Variants in CSMD3 observed in about 807,000 individuals in gnomAD.
CSMD3 encodes the protein CUB and Sushi multiple domains 3, also known as CUB and sushi domain-containing protein 3.
CSMD3 carries 177 observed loss-of-function variants against 435.2 expected under a neutral mutation model. The ratio of observed to expected loss-of-function variants is 0.41; its 90% CI spans 0.36 to 0.46. CSMD3 has a LOEUF of 0.46. Among genes scored for constraint, CSMD3 ranks in the 20% least tolerant of loss-of-function variants. The probability of loss-of-function intolerance (pLI) is 0.34; values close to 1 mark genes in which losing one functional copy is unlikely to be tolerated. For synonymous variants in CSMD3, 1,656 were observed against 1,520.5 expected, an observed-to-expected ratio of 1.09 and a Z score of -2.07; for missense variants, 4,265 against 4,504.6, an observed-to-expected ratio of 0.95 and a Z score of 1.52.
chr8:112,715,145 G>GA (rs2076695903), intron 13 of CSMD3, among the ~76,000 whole-genome samples: 1 of 151,888 alleles, frequency 6.6e-6, no homozygotes, highest in Non-Finnish European at 1.5e-5. Flanking sequence ...GCTGGTTTTT[G>GA]AAAAAATTAA....
rs186957119 is a variant in CSMD3, at chr8:112,975,502, C to T, written c.1342+335G>A. Among the ~76,000 whole-genome samples, 92 of 152,104 alleles carry T rather than the reference C, an allele frequency of 6.0e-4. No homozygotes were observed. The Middle Eastern group carries it at 0.01, about 17-fold the overall frequency. ...AATCAAAACTGGCTACTTTATTTTCCTGTTTTGTGAACATCATCATAACTG... is the reference window on the plus strand; with the variant it reads ...AATCAAAACTGGCTACTTTATTTTCTTGTTTTGTGAACATCATCATAACTG... On this transcript the variant is annotated intron_variant, in intron 7 of 70. Coordinates refer to ENST00000297405, the MANE Select transcript of CSMD3 (RefSeq NM_198123.2).
intron 1 of CSMD3, among the ~76,000 whole-genome samples, chr8:113,436,202 T>C (rs2094705129): frequency 1.3e-5 from 2 of 152,220 alleles, no homozygotes; most frequent in African/African-American, 4.8e-5. Flanking sequence ...GGAAGATCCC[T>C]GTGCCCTAAT....
chr8:112,446,202 C>T (rs1815590850), intron 32 of CSMD3, among the ~76,000 whole-genome samples: 1 of 152,076 alleles, frequency 6.6e-6, no homozygotes, highest in Non-Finnish European at 1.5e-5. Context: ...CTATCTTGTG[C>T]CCCTTGACTA....
At chr8:112,929,476 T>A (rs927267753) in intron 9 of CSMD3, among the ~76,000 whole-genome samples, 79 of 152,104 alleles carry the variant, frequency 5.2e-4, no homozygotes, top group African/African-American at 1.9e-3. Flanking sequence ...TGATAATTCT[T>A]TTTATGGAGA....
chr8:112,313,835 C>A, intron 49 of CSMD3, 71 bp downstream of exon 49: 1 of 1,242,720 alleles, frequency 8.0e-7, no homozygotes, highest in Non-Finnish European at 1.2e-6. Flanking sequence ...TGAATAGTGT[C>A]TCTGCTCCTT....
At chr8:112,656,090 C>T (rs2075250469) in intron 18 of CSMD3, 64 bp downstream of exon 18, 1 of 887,728 alleles carries the variant, frequency 1.1e-6, no homozygotes, top group Admixed American at 1.9e-5. Flanking sequence ...ATTAGTAAAA[C>T]TATAATAATA....
intron 3 of CSMD3, among the ~76,000 whole-genome samples, chr8:113,235,547 G>A (rs2093138529): frequency 6.6e-6 from 1 of 152,068 alleles, no homozygotes; most frequent in Admixed American, 6.6e-5. Flanking sequence ...AAATGGTAAT[G>A]GGCATTATGA....
chr8:112,365,666 T>C (rs1827717556), intron 38 of CSMD3, among the ~76,000 whole-genome samples: 2 of 152,020 alleles, frequency 1.3e-5, no homozygotes, highest in Non-Finnish European at 2.9e-5. Flanking sequence ...GGTGGAAGAA[T>C]GGTGAAATTC....
intron 32 of CSMD3, among the ~76,000 whole-genome samples, chr8:112,420,553 A>T (rs1220602896): frequency 6.6e-6 from 1 of 152,150 alleles, no homozygotes; most frequent in Non-Finnish European, 1.5e-5. Context: ...ATGTGTTGCT[A>T]ATGTTACTTT....
intron 63 of CSMD3, among the ~76,000 whole-genome samples, chr8:112,251,539 A>C (rs555929140): frequency 8.6e-4 from 131 of 151,872 alleles, no homozygotes; most frequent in African/African-American, 3.0e-3. Context: ...CACTGTATTT[A>C]TCATTTAAGG....
intron 7 of CSMD3, among the ~76,000 whole-genome samples, chr8:112,960,797 C>T (rs188994322): frequency 1.4e-3 from 209 of 151,730 alleles, no homozygotes; most frequent in Middle Eastern, 6.9e-3. Context: ...AATGATGGAA[C>T]TGAACTAGTT....
intron 32 of CSMD3, among the ~76,000 whole-genome samples, chr8:112,460,207 T>C (rs1032546397): frequency 6.6e-6 from 1 of 152,118 alleles, no homozygotes; most frequent in Non-Finnish European, 1.5e-5. Context: ...ATTCAGATTC[T>C]AGCTCAAGGC....
intron 40 of CSMD3, among the ~76,000 whole-genome samples, chr8:112,348,098 GA>G (rs1825827075): frequency 6.6e-6 from 1 of 152,186 alleles, no homozygotes. Flanking sequence ...GAAAAACAAT[GA>G]CAAATCATTA....
chr8:112,855,481 TTC>T (rs1416852571), intron 11 of CSMD3, among the ~76,000 whole-genome samples: 1 of 152,098 alleles, frequency 6.6e-6, no homozygotes, highest in Non-Finnish European at 1.5e-5. Context: ...CAGAAACTCT[TTC>T]TGTCTAAAAA....
intron 16 of CSMD3, among the ~76,000 whole-genome samples, chr8:112,674,859 C>T (rs886307844): frequency 2.6e-5 from 4 of 152,100 alleles, no homozygotes; most frequent in African/African-American, 9.7e-5. Context: ...CACTTTCCCT[C>T]CTCTAAGAAG....
chr8:113,406,505 A>G (rs2094533406), intron 1 of CSMD3, among the ~76,000 whole-genome samples: 2 of 152,072 alleles, frequency 1.3e-5, no homozygotes, highest in African/African-American at 4.8e-5. Flanking sequence ...AATGTAAATA[A>G]TGGCATAGCA....
chr8:113,078,326 G>C (rs2089427927), intron 5 of CSMD3, among the ~76,000 whole-genome samples: 1 of 152,118 alleles, frequency 6.6e-6, no homozygotes, highest in Admixed American at 6.6e-5. Context: ...AGACAAATTA[G>C]AGATCAAACA....
chr8:112,532,043 A>G (rs1046175114), intron 27 of CSMD3, among the ~76,000 whole-genome samples: 3 of 151,730 alleles, frequency 2.0e-5, no homozygotes, highest in Non-Finnish European at 4.4e-5. Context: ...TTAAAAAATC[A>G]AACAGAAACC....
chr8:112,348,294 A>G, intron 40 of CSMD3, among the ~76,000 whole-genome samples: 1 of 152,074 alleles, frequency 6.6e-6, no homozygotes, highest in Admixed American at 6.5e-5. Flanking sequence ...GGACAACCAT[A>G]CCTTAGTCTT....
Sources: gnomAD v4.1 joint callset for allele counts (sites outside exome capture counted in the v4.1 genomes callset) on GRCh38, gnomAD v4.1.1 for gene constraint, MANE v1.5 for transcripts, NCBI Gene and HGNC (gene_info 2026-07-23, HGNC 2026-07-21) for gene names.